The following IFT80 variants were observed in gnomAD, a reference collection of about 807,000 sequenced individuals.
The protein encoded by IFT80 is intraflagellar transport 80, also known as intraflagellar transport protein 80 homolog.
A neutral mutation model predicts 107.9 loss-of-function variants in IFT80; 79 were observed. The ratio of observed to expected loss-of-function variants is 0.73; its 90% CI spans 0.61 to 0.88. The LOEUF (loss-of-function observed/expected upper bound fraction) is 0.88. Ranked by LOEUF, IFT80 falls within the 40% of genes least tolerant of loss-of-function variation. The pLI is 0.00. For synonymous variants in IFT80, 299 were observed against 300.9 expected, an observed-to-expected ratio of 0.99 and a Z score of 0.07; for missense variants, 797 against 914.2, an observed-to-expected ratio of 0.87 and a Z score of 1.65.
At chr3:160,349,911 A>C (rs907414043) in intron 8 of IFT80, among the ~76,000 whole-genome samples, 1 of 152,140 alleles carries the variant, frequency 6.6e-6, no homozygotes, top group Non-Finnish European at 1.5e-5. Flanking sequence ...GAAGAGTCTC[A>C]ATAAGCGATG....
intron 18 of IFT80, among the ~76,000 whole-genome samples, chr3:160,276,834 A>G (rs982981221): frequency 6.6e-6 from 1 of 152,030 alleles, no homozygotes; most frequent in Non-Finnish European, 1.5e-5. Flanking sequence ...ATGTCTTTTC[A>G]TTCCACACAT....
intron 8 of IFT80, chr3:160,343,922 A>C (rs919108431): frequency 1.7e-5 from 3 of 181,080 alleles, no homozygotes; most frequent in Admixed American, 6.3e-5. Flanking sequence ...AGAATTGATA[A>C]ATATGAAAAT....
chr3:160,289,459 T>C (rs1243184616), intron 12 of IFT80, among the ~76,000 whole-genome samples: 2 of 151,918 alleles, frequency 1.3e-5, no homozygotes, highest in Non-Finnish European at 2.9e-5. Flanking sequence ...AAAACAAAAG[T>C]TTTATTTGGT....
chr3:160,300,030 A>T (rs1716296987), intron 12 of IFT80, among the ~76,000 whole-genome samples: 1 of 152,080 alleles, frequency 6.6e-6, no homozygotes, highest in Non-Finnish European at 1.5e-5. Flanking sequence ...TGACCCAGTC[A>T]CATGGCCTTC....
chr3:160,261,477 T>C (rs943271399), intron 19 of IFT80, among the ~76,000 whole-genome samples: 1 of 133,064 alleles, frequency 7.5e-6, no homozygotes, highest in Non-Finnish European at 1.6e-5. Flanking sequence ...CCAGAAGCGG[T>C]AAAGATTTTG....
intron 8 of IFT80, among the ~76,000 whole-genome samples, chr3:160,350,445 G>T (rs1720600325): frequency 6.8e-6 from 1 of 147,902 alleles, no homozygotes; most frequent in South Asian, 2.2e-4. Flanking sequence ...TATGCAGAAA[G>T]TATTTACATA....
chr3:160,351,620 A>G (rs914177799), intron 8 of IFT80, among the ~76,000 whole-genome samples: 6 of 147,670 alleles, frequency 4.1e-5, no homozygotes, highest in African/African-American at 1.5e-4. Flanking sequence ...TATATTATAT[A>G]TATAGTATAT....
chr3:160,352,098 C>G (rs541187979), intron 8 of IFT80, among the ~76,000 whole-genome samples: 31 of 151,784 alleles, frequency 2.0e-4, no homozygotes, highest in African/African-American at 7.5e-4. Context: ...TCACTGCAAG[C>G]TCTGCCTCCC....
At chr3:160,295,012 T>C (rs1715862783) in intron 12 of IFT80, among the ~76,000 whole-genome samples, 1 of 152,216 alleles carries the variant, frequency 6.6e-6, no homozygotes, top group African/African-American at 2.4e-5. Flanking sequence ...TCAGCTCCTG[T>C]AATAAAACGG....
At chr3:160,282,664 A>T (rs1267310798) in intron 13 of IFT80, 51 bp from the exon 14 acceptor site, 2 of 1,070,190 alleles carry the variant, frequency 1.9e-6, no homozygotes, top group South Asian at 2.8e-5. Context: ...TGTTTGACAT[A>T]AGATCATTTT....
At chr3:160,334,493 T>C (rs1172156931) in intron 8 of IFT80, among the ~76,000 whole-genome samples, 1 of 150,986 alleles carries the variant, frequency 6.6e-6, no homozygotes, top group Non-Finnish European at 1.5e-5. Flanking sequence ...CTCAGCTCAC[T>C]GCAACCTCCG....
At chr3:160,361,117 T>C (rs1721459630) in intron 6 of IFT80, among the ~76,000 whole-genome samples, 1 of 152,216 alleles carries the variant, frequency 6.6e-6, no homozygotes, top group Non-Finnish European at 1.5e-5. Flanking sequence ...ATCAGTGTGC[T>C]GTATTCAGGA....
intron 8 of IFT80, among the ~76,000 whole-genome samples, chr3:160,320,500 T>C (rs905317411): frequency 1.3e-5 from 2 of 151,828 alleles, no homozygotes; most frequent in Non-Finnish European, 2.9e-5. Flanking sequence ...GAGAAAGTTA[T>C]CTAGAGATAT....
At chr3:160,316,115 A>C (rs908808853) in intron 9 of IFT80, among the ~76,000 whole-genome samples, 8 of 152,032 alleles carry the variant, frequency 5.3e-5, no homozygotes, top group African/African-American at 1.9e-4. Context: ...GTTATAAAAA[A>C]CTGTGACTTA....
At chr3:160,343,836 AT>A in intron 8 of IFT80, 1 of 299,318 alleles carries the variant, frequency 3.3e-6, no homozygotes, top group Non-Finnish European at 6.6e-6. Flanking sequence ...AACAGAATTT[AT>A]TTTATTTATT....
Position 160,280,788 on chromosome 3 carries a change from T to C in IFT80, c.1543A>G (p.Asn515Asp). ...LGTMVHTLAW[N>D]DTCNILCGLQ... ...CCACAAAGGATATTGCATGTATCGTTCCATGCCAAAGTATGCACCATTGTT... is the reference window on the plus strand; with the variant it reads ...CCACAAAGGATATTGCATGTATCGTCCCATGCCAAAGTATGCACCATTGTT... The change falls in exon 15 of 20, where the codon AAC becomes GAC. Residue 515 changes from asparagine to aspartate, a missense_variant. Physicochemically the swap from Asn to Asp is conservative, Grantham distance 23. Transcript: ENST00000326448. 6.2e-7 allele frequency: 1 copy of C among 1,613,362 alleles called. No individual in the cohort carries two copies. The highest frequency in any genetic ancestry group is 1.3e-5 in the African/African-American group (1 of 75,014).
intron 12 of IFT80, among the ~76,000 whole-genome samples, chr3:160,298,503 A>G (rs996462679): frequency 7.9e-5 from 12 of 152,192 alleles, no homozygotes; most frequent in African/African-American, 2.9e-4. Flanking sequence ...GTAAATGTTA[A>G]TAATTCTTTC....
chr3:160,388,213 T>C (rs1240917565), intron 1 of IFT80, among the ~76,000 whole-genome samples: 1 of 151,462 alleles, frequency 6.6e-6, no homozygotes, highest in Non-Finnish European at 1.5e-5. Context: ...GTAGGACTTG[T>C]TTCTTTTTTT....
chr3:160,302,103 C>T (rs1252967535), intron 11 of IFT80, among the ~76,000 whole-genome samples: 1 of 151,960 alleles, frequency 6.6e-6, no homozygotes, highest in African/African-American at 2.4e-5. Flanking sequence ...ATTGGTGTGC[C>T]TGTTTCCTTC....
Sources: allele counts gnomAD v4.1 joint callset (sites outside exome capture counted in the v4.1 genomes callset), GRCh38; gene constraint gnomAD v4.1.1; transcripts MANE v1.5; gene names NCBI Gene and HGNC (gene_info 2026-07-23, HGNC 2026-07-21).